The following PXDNL variants were observed in gnomAD, a reference collection of about 807,000 sequenced individuals.
PXDNL encodes probable oxidoreductase PXDNL.
Under a neutral mutation model 150.8 loss-of-function variants are expected in PXDNL, and 145 were observed. The ratio of observed to expected loss-of-function variants is 0.96; its 90% CI spans 0.84 to 1.10. The LOEUF is 1.10. Ranked by LOEUF, PXDNL falls within the 50% of genes least tolerant of loss-of-function variation. The pLI is 0.00. For missense variants in PXDNL, 2,087 were observed against 1,873.9 expected, an observed-to-expected ratio of 1.11 and a Z score of -2.10; for synonymous variants, 757 against 725.7, an observed-to-expected ratio of 1.04 and a Z score of -0.69.
intron 9 of PXDNL, among the ~76,000 whole-genome samples, chr8:51,456,107 C>T (rs979748203): frequency 1.1e-4 from 16 of 152,140 alleles, no homozygotes; most frequent in Admixed American, 1.0e-3. Flanking sequence ...ACATGCCTAT[C>T]TTACCATGCC....
At chr8:51,431,962 C>T (rs912450856) in intron 12 of PXDNL, among the ~76,000 whole-genome samples, 1 of 152,096 alleles carries the variant, frequency 6.6e-6, no homozygotes. Flanking sequence ...CAAATATCTT[C>T]TATTTCTGAC....
chr8:51,426,473 TA>T (rs879573502), intron 13 of PXDNL, among the ~76,000 whole-genome samples, 172 bp downstream of exon 13: 328 of 143,572 alleles, frequency 2.3e-3, no homozygotes, highest in Middle Eastern at 7.4e-3. Context: ...TAGAGTCACT[TA>T]AAAAAAAAAA....
At chr8:51,511,639 C>G (rs940105672) in intron 4 of PXDNL, among the ~76,000 whole-genome samples, 1 of 152,186 alleles carries the variant, frequency 6.6e-6, no homozygotes, top group Admixed American at 6.5e-5. Context: ...GGGCTGCAGG[C>G]CAGACTCAGG....
Position 51,608,400 on chromosome 8 carries a change from A to AAAAG in PXDNL, c.237-15706_237-15703dup, listed in dbSNP as rs1554557627. Reference sequence around the variant, plus strand: ...AGAGACTCCGTCAAAAAAAAAAAAAAAAAGAAAGAAAGGAAGGAAGGAAGA... The same window carrying AAAAG: ...AGAGACTCCGTCAAAAAAAAAAAAAAAAAGAAAGAAAGAAAGGAAGGAAGGAAGA... On this transcript the variant is annotated intron_variant, in intron 2 of 22. Coordinates refer to ENST00000356297, the MANE Select transcript of PXDNL (RefSeq NM_144651.5). Among the ~76,000 whole-genome samples the AAAAG allele has an allele frequency of 1.9e-3, 266 of 143,318 alleles. 24 individuals are homozygous for AAAAG. Among genetic ancestry groups the AAAAG allele is most frequent in the African/African-American group, 7.0e-3 (250 of 35,904 alleles). The allele number at this position is 143,318 out of a possible 152,430, so 94.0% of individuals were successfully genotyped here.
intron 6 of PXDNL, 60 bp downstream of exon 6, chr8:51,483,583 G>A (rs1202129743): frequency 2.0e-6 from 2 of 1,024,736 alleles, no homozygotes; most frequent in Non-Finnish European, 3.0e-6. Context: ...CCATTGTTTG[G>A]GATGGATTTT....
At chr8:51,786,849 G>C (rs1003319713) in intron 1 of PXDNL, among the ~76,000 whole-genome samples, 2 of 152,162 alleles carry the variant, frequency 1.3e-5, no homozygotes, top group Non-Finnish European at 2.9e-5. Flanking sequence ...TAGCAAGAAA[G>C]AAGTCAATGA....
chr8:51,574,284 A>G (rs970177389), intron 3 of PXDNL, among the ~76,000 whole-genome samples: 1 of 152,040 alleles, frequency 6.6e-6, no homozygotes, highest in African/African-American at 2.4e-5. Context: ...AAAAAACTCA[A>G]TGTATGGGTC....
chr8:51,577,609 T>TAA (rs1554554516), intron 3 of PXDNL, among the ~76,000 whole-genome samples: 13 of 147,720 alleles, frequency 8.8e-5, no homozygotes, highest in Admixed American at 2.7e-4. Context: ...TATATATATA[T>TAA]AATCAGGCTA....
At chr8:51,678,142 T>C (rs1815665448) in intron 1 of PXDNL, among the ~76,000 whole-genome samples, 1 of 152,196 alleles carries the variant, frequency 6.6e-6, no homozygotes, top group Non-Finnish European at 1.5e-5. Flanking sequence ...CTTGAAGCAT[T>C]TGTCCTGACG....
At chr8:51,567,285 T>C (rs1015671972) in intron 3 of PXDNL, among the ~76,000 whole-genome samples, 1 of 151,794 alleles carries the variant, frequency 6.6e-6, no homozygotes, top group Admixed American at 6.6e-5. Flanking sequence ...AAATTTCAAT[T>C]AGACCCAGTT....
intron 19 of PXDNL, among the ~76,000 whole-genome samples, chr8:51,364,299 T>C (rs947289794): frequency 2.6e-5 from 4 of 152,222 alleles, no homozygotes; most frequent in Non-Finnish European, 1.5e-5. Context: ...TTTGAGACCT[T>C]GAACCTTGGG....
intron 8 of PXDNL, among the ~76,000 whole-genome samples, chr8:51,459,691 T>C (rs964249276): frequency 4.6e-5 from 7 of 152,230 alleles, no homozygotes; most frequent in African/African-American, 1.7e-4. Flanking sequence ...TGTTTCAATA[T>C]ATTCCATTCA....
intron 12 of PXDNL, among the ~76,000 whole-genome samples, chr8:51,428,888 T>C (rs1809179573): frequency 6.6e-6 from 1 of 152,258 alleles, no homozygotes; most frequent in African/African-American, 2.4e-5. Context: ...AACACCATGC[T>C]GAGAGTATCA....
intron 1 of PXDNL, among the ~76,000 whole-genome samples, chr8:51,756,633 C>G (rs2037104946): frequency 6.6e-6 from 1 of 151,590 alleles, no homozygotes; most frequent in Non-Finnish European, 1.5e-5. Context: ...TTCTAATGTC[C>G]TTATATTTTA....
intron 1 of PXDNL, among the ~76,000 whole-genome samples, chr8:51,705,576 G>A (rs541812711): frequency 1.7e-4 from 26 of 152,314 alleles, no homozygotes; most frequent in African/African-American, 3.4e-4. Flanking sequence ...ATCAGAAAGC[G>A]CATATTACTT....
chr8:51,374,379 GA>G (rs1807232879), intron 18 of PXDNL, among the ~76,000 whole-genome samples: 1 of 152,166 alleles, frequency 6.6e-6, no homozygotes. Context: ...TGCCTTTTGA[GA>G]AATTCTGTTT....
intron 16 of PXDNL, among the ~76,000 whole-genome samples, chr8:51,410,121 A>G (rs1300849481): frequency 6.6e-6 from 1 of 152,220 alleles, no homozygotes; most frequent in African/African-American, 2.4e-5. Flanking sequence ...ATCAATATGG[A>G]TCATGTGAAT....
At chr8:51,497,857 G>T (rs969407310) in intron 5 of PXDNL, among the ~76,000 whole-genome samples, 1 of 152,208 alleles carries the variant, frequency 6.6e-6, no homozygotes, top group African/African-American at 2.4e-5. Flanking sequence ...TTTAACCATT[G>T]TGGAAGTCAG....
intron 17 of PXDNL, among the ~76,000 whole-genome samples, chr8:51,375,524 C>T (rs1807274799): frequency 6.6e-6 from 1 of 152,152 alleles, no homozygotes; most frequent in Non-Finnish European, 1.5e-5. Context: ...TTAACCTTGT[C>T]ACAAATGGAA....
Sources: allele counts gnomAD v4.1 joint callset (sites outside exome capture counted in the v4.1 genomes callset), GRCh38; gene constraint gnomAD v4.1.1; transcripts MANE v1.5; gene names NCBI Gene and HGNC (gene_info 2026-07-23, HGNC 2026-07-21).